U2SURP: variants seen among roughly 807,000 people sequenced by gnomAD.
The protein encoded by U2SURP is U2 snRNP associated SURP domain containing.
A neutral mutation model predicts 144.9 loss-of-function variants in U2SURP; 9 were observed. The ratio of observed to expected loss-of-function variants is 0.06; its 90% CI spans 0.04 to 0.11. U2SURP has a LOEUF of 0.11. U2SURP is among the 10% of genes least tolerant of loss of function. The pLI is 1.00. For missense variants in U2SURP, 724 were observed against 1,226.7 expected (o/e 0.59, Z 6.12); for synonymous variants, 408 against 396.8 (o/e 1.03, Z -0.33).
In U2SURP at chr3:143,012,298, G is replaced by A; in HGVS notation, c.167G>A (p.Arg56Lys). Residue 56 changes from arginine (R) to lysine (K), a missense_variant, in exon 3 of 28, where the codon AGG becomes AAG. This residue lies in a region of U2SURP where 127 missense variants were observed against 98.2 expected (regional missense o/e 1.29). Coordinates refer to ENST00000473835, the MANE Select transcript of U2SURP (RefSeq NM_001080415.2). ...RPKSPRKHNY[R>K]NESARESLCD... The stretch of plus-strand genomic sequence containing the variant: ...AAGAGCCCAAGAAAACATAATTATA[G>A]GAATGAAAGTGCCCGTGAAAGCCTT... 6.2e-7 allele frequency: 1 copy of A among 1,613,198 alleles called. No homozygotes were observed. The highest frequency in any genetic ancestry group is 8.5e-7 in the Non-Finnish European group (1 of 1,179,440).
chr3:143,035,248 G>A (rs954109073), intron 19 of U2SURP, among the ~76,000 whole-genome samples: 2 of 152,050 alleles, frequency 1.3e-5, no homozygotes, highest in Admixed American at 1.3e-4. Context: ...AGAATCACTT[G>A]TTTTGTAATG....
intron 17 of U2SURP, 110 bp downstream of exon 17, chr3:143,033,056 C>A: frequency 8.0e-7 from 1 of 1,249,966 alleles, no homozygotes; most frequent in Non-Finnish European, 1.1e-6. Flanking sequence ...CCCATGCAGT[C>A]TTATGTTATT....
chr3:143,014,982 T>C (rs1343880557), intron 4 of U2SURP, among the ~76,000 whole-genome samples: 1 of 152,090 alleles, frequency 6.6e-6, no homozygotes, highest in Non-Finnish European at 1.5e-5. Flanking sequence ...AGATTTGGGA[T>C]ATATTCTTAT....
rs77826373 is a variant in U2SURP at position 143,036,877 on chromosome 3, C to T, written c.2065-302C>T. 1.6e-3 allele frequency: 545 copies of T among 334,412 alleles called. 6 individuals carry two copies. The highest frequency in any genetic ancestry group is 0.011 in the African/African-American group (508 of 47,538). 20.7% of individuals were successfully genotyped at this position (334,412 alleles called of 1,614,324 possible). A position where few individuals can be genotyped will look rare whatever the true frequency, so the allele number is the denominator to read the frequency against. On this transcript the variant is annotated intron_variant, in intron 20 of 27. Coordinates refer to ENST00000473835, the MANE Select transcript of U2SURP (RefSeq NM_001080415.2). ...GTTGTGATGATCTGATTTCCTGGTT[C>T]CCCCACCCCTGCAAAACAACAGCAA...
At chr3:143,019,012 TG>T (rs1936510410) in intron 6 of U2SURP, among the ~76,000 whole-genome samples, 1 of 152,244 alleles carries the variant, frequency 6.6e-6, no homozygotes. Flanking sequence ...TACTTCATTG[TG>T]GTTTTGATTT....
rs1242670933 is a variant in U2SURP, at chr3:143,043,216, T to C, written c.2484T>C (p.Ser828=). 6.2e-7 allele frequency: 1 copy of C among 1,604,062 alleles called. No individual in the cohort carries two copies. The highest frequency in any genetic ancestry group is 8.5e-7 in the Non-Finnish European group (1 of 1,174,606). Residue 828 remains serine, a synonymous_variant, in exon 24 of 28, where the codon TCT becomes TCC. Coordinates refer to ENST00000473835, the MANE Select transcript of U2SURP (RefSeq NM_001080415.2). ...SNPIKEEMTE[S]KFSKYSEMSE... ...CAATCAAAGAAGAAATGACTGAGTC[T>C]AAGTTCTCTAAGTACTCTGAAATGA...
intron 25 of U2SURP, among the ~76,000 whole-genome samples, chr3:143,051,625 A>G (rs1934866357): frequency 1.3e-5 from 2 of 150,728 alleles, no homozygotes; most frequent in African/African-American, 2.4e-5. Context: ...AAAAAAAGAA[A>G]AACCAATAAT....
intron 1 of U2SURP, among the ~76,000 whole-genome samples, chr3:143,007,845 G>C (rs1935925057): frequency 6.6e-6 from 1 of 152,206 alleles, no homozygotes; most frequent in African/African-American, 2.4e-5. Flanking sequence ...GTTAGGAAGA[G>C]GGAGAAGCTC....
At chr3:143,031,103 A>T (rs1933456291) in intron 16 of U2SURP, among the ~76,000 whole-genome samples, 1 of 152,216 alleles carries the variant, frequency 6.6e-6, no homozygotes, top group East Asian at 1.9e-4. Flanking sequence ...ATCTCATGAT[A>T]AAACTTTAAT....
chr3:143,029,733 G>A (rs1933368989), intron 16 of U2SURP, among the ~76,000 whole-genome samples: 1 of 152,204 alleles, frequency 6.6e-6, no homozygotes, highest in African/African-American at 2.4e-5. Flanking sequence ...GATGAGGTTG[G>A]CTGAAAGCTA....
At position 143,016,349 on chromosome 3, in the gene U2SURP, G is replaced by C. The variant is rs1426099212; in HGVS notation, c.414G>C (p.Gly138=). 3 of 1,612,730 alleles carry C rather than the reference G, an allele frequency of 1.9e-6. No individual in the cohort carries two copies. The highest frequency in any genetic ancestry group is 2.5e-6 in the Non-Finnish European group (3 of 1,179,038). ...DGNKVKTFVR[G]GVVNAAKEEH... is the part of the protein sequence containing the mutation. ...ATAAAGTGAAAACATTTGTGCGAGG[G>C]GGTGTTGTTAATGCAGCTAAAGGTA... The change falls in exon 5 of 28, where the codon GGG becomes GGC. Residue 138 remains glycine (G), a synonymous_variant. Transcript: ENST00000473835.
At chr3:143,045,005 T>G (rs1472830885) in intron 24 of U2SURP, among the ~76,000 whole-genome samples, 2 of 152,184 alleles carry the variant, frequency 1.3e-5, no homozygotes, top group East Asian at 3.9e-4. Context: ...AAGATGTGTG[T>G]CAGTGAACAC....
At chr3:143,002,986 G>T (rs930694344) in intron 1 of U2SURP, among the ~76,000 whole-genome samples, 1 of 152,108 alleles carries the variant, frequency 6.6e-6, no homozygotes, top group Non-Finnish European at 1.5e-5. Context: ...AGAACATACC[G>T]TTAGGGAGCT....
At chr3:143,024,817 A>G (rs1005771923) in intron 13 of U2SURP, among the ~76,000 whole-genome samples, 1 of 152,126 alleles carries the variant, frequency 6.6e-6, no homozygotes, top group Non-Finnish European at 1.5e-5. Context: ...GAAAGTATAC[A>G]GTTTTTGACC....
In U2SURP at chr3:143,012,289, A is replaced by G. The variant is rs368122040; in HGVS notation, c.158A>G (p.His53Arg). The G allele has an allele frequency of 8.7e-6, 14 of 1,613,400 alleles. No individual in the cohort carries two copies. Among genetic ancestry groups the G allele is most frequent in the East Asian group, 2.2e-5 (1 of 44,866 alleles). Residue 53 changes from histidine (H) to arginine (R), a missense_variant, in exon 3 of 28, where the codon CAT (histidine) becomes CGT (arginine). This residue lies in a region of U2SURP where 127 missense variants were observed against 98.2 expected (regional missense o/e 1.29). Transcript: ENST00000473835. ...ACACGACCTAAGAGCCCAAGAAAAC[A>G]TAATTATAGGAATGAAAGTGCCCGT... ...SRTRPKSPRK[H>R]NYRNESARES... is the part of the protein sequence containing the mutation.
At chr3:143,050,551 C>T (rs1347102500) in intron 24 of U2SURP, among the ~76,000 whole-genome samples, 1 of 152,300 alleles carries the variant, frequency 6.6e-6, no homozygotes, top group East Asian at 1.9e-4. Context: ...GCCTTCCCAC[C>T]TCCCATCCCC....
chr3:143,060,602 ATAAT>A lies in U2SURP; in HGVS notation c.*4155_*4158del, dbSNP rs1425989134. 1 of 151,966 alleles carries A rather than the reference ATAAT, an allele frequency of 6.6e-6. No individual in the cohort carries two copies. Among genetic ancestry groups the A allele is most frequent in the Non-Finnish European group, 1.5e-5 (1 of 67,868 alleles). 9.4% of individuals were successfully genotyped at this position (151,966 alleles called of 1,614,324 possible). ...TGTTTTTCCGATGCAAGCCCAGTTA[ATAAT>A]TAGTTTTTTAGCAGCTTTCTCTCAA... On this transcript the variant is annotated 3_prime_UTR_variant, in exon 28 of 28. Coordinates refer to ENST00000473835, the MANE Select transcript of U2SURP (RefSeq NM_001080415.2).
intron 6 of U2SURP, among the ~76,000 whole-genome samples, chr3:143,017,767 T>C (rs910663392): frequency 1.3e-5 from 2 of 151,944 alleles, no homozygotes; most frequent in Non-Finnish European, 2.9e-5. Flanking sequence ...CTACAGGCAA[T>C]GTAGTCCCAT....
chr3:143,012,083 G>C, intron 2 of U2SURP, 139 bp from the exon 3 acceptor site: 1 of 1,110,990 alleles, frequency 9.0e-7, no homozygotes. Flanking sequence ...TGAAATCAAT[G>C]GTGATATTAA....
Sources: gnomAD v4.1 joint callset for allele counts (sites outside exome capture counted in the v4.1 genomes callset) on GRCh38, gnomAD v4.1.1 for gene constraint, gnomAD v4.1.1 regional missense constraint, MANE v1.5 for transcripts, NCBI Gene and HGNC (gene_info 2026-07-23, HGNC 2026-07-21) for gene names.